INPP5K: variants seen among roughly 807,000 people sequenced by gnomAD.
INPP5K encodes the protein inositol polyphosphate 5-phosphatase K.
Under a neutral mutation model 53.5 loss-of-function variants are expected in INPP5K, and 35 were observed. That is an observed-to-expected ratio of 0.65 (90% CI 0.50 to 0.87). INPP5K has a LOEUF of 0.87. Among genes scored for constraint, INPP5K ranks in the 40% least tolerant of loss-of-function variants. INPP5K has a pLI of 0.00. For synonymous variants in INPP5K, 253 were observed against 232.8 expected (o/e 1.09, Z -0.79); for missense variants, 550 against 586.2 (o/e 0.94, Z 0.64).
At position 1,508,173 on chromosome 17, in the gene INPP5K, T is replaced by G. The variant is rs771881400; in HGVS notation, c.608A>C (p.His203Pro). 6.2e-7 allele frequency: 1 copy of G among 1,614,054 alleles called. No homozygotes were observed. Among genetic ancestry groups the G allele is most frequent in the Non-Finnish European group, 8.5e-7 (1 of 1,180,000 alleles). Residue 203 changes from histidine to proline, a missense_variant, in exon 6 of 12, where the codon CAC (histidine) becomes CCC (proline). Transcript: ENST00000421807. The part of the protein sequence containing the change: ...MNFRIEDFGL[H>P]FVRESIKNRC... ...ATTTTTAATGGATTCCCGAACAAAG[T>G]GCAACCCAAAGTCCTCGATCCGAAA...
At chr17:1,498,254 GC>G in intron 7 of INPP5K, 132 bp from the exon 8 acceptor site, 1 of 738,988 alleles carries the variant, frequency 1.4e-6, no homozygotes, top group Non-Finnish European at 2.2e-6. Flanking sequence ...GACCCCCGGG[GC>G]CAGAGCCGGA....
intron 11 of INPP5K, 73 bp downstream of exon 11, chr17:1,495,987 A>G: frequency 7.1e-7 from 1 of 1,414,558 alleles, no homozygotes; most frequent in Non-Finnish European, 1.0e-6. Context: ...GCTGGCTCCC[A>G]GGCCTGGGCC....
chr17:1,508,492 G>C (rs940628650), intron 5 of INPP5K: 9 of 448,162 alleles, frequency 2.0e-5, no homozygotes, highest in African/African-American at 1.8e-4. Flanking sequence ...AACTGGTCAC[G>C]AGGAAAGGCT....
intron 7 of INPP5K, among the ~76,000 whole-genome samples, chr17:1,506,665 G>A (rs1241291500): frequency 6.6e-6 from 1 of 152,178 alleles, no homozygotes; most frequent in Non-Finnish European, 1.5e-5. Flanking sequence ...GGGGTTTCCC[G>A]AAGCTGAAGT....
chr17:1,513,707 C>T, intron 2 of INPP5K, 146 bp from the exon 3 acceptor site: 3 of 905,870 alleles, frequency 3.3e-6, no homozygotes, highest in South Asian at 3.1e-5. Context: ...TCTCCAGCCC[C>T]CTTTGCCGTT....
At chr17:1,500,842 T>A (rs1255880539) in intron 7 of INPP5K, among the ~76,000 whole-genome samples, 1 of 152,118 alleles carries the variant, frequency 6.6e-6, no homozygotes, top group East Asian at 1.9e-4. Flanking sequence ...CAGGTACACT[T>A]ACTAAAAACC....
At chr17:1,501,967 G>A (rs1365701361) in intron 7 of INPP5K, among the ~76,000 whole-genome samples, 7 of 149,758 alleles carry the variant, frequency 4.7e-5, no homozygotes, top group East Asian at 2.0e-4. Flanking sequence ...CCTGGGAAGC[G>A]GAGGTTTCAG....
intron 7 of INPP5K, among the ~76,000 whole-genome samples, chr17:1,505,125 G>C (rs114544938): frequency 5.9e-5 from 9 of 152,164 alleles, no homozygotes; most frequent in Non-Finnish European, 8.8e-5. Flanking sequence ...CTTCCTGCTG[G>C]TAAGTTTTTA....
At chr17:1,507,330 T>C (rs917974579) in intron 6 of INPP5K, 9 of 526,298 alleles carry the variant, frequency 1.7e-5, no homozygotes, top group African/African-American at 1.4e-4. Flanking sequence ...TCCCAGTCCT[T>C]AGACTGCAGG....
chr17:1,499,075 C>T (rs1598363829), intron 7 of INPP5K, among the ~76,000 whole-genome samples: 1 of 152,314 alleles, frequency 6.6e-6, no homozygotes, highest in African/African-American at 2.4e-5. Context: ...TCAACTTCCT[C>T]GCCTGCCAGT....
At position 1,513,465 on chromosome 17, in the gene INPP5K, C is replaced by G; in HGVS notation, c.249G>C (p.Leu83=). 1 of 1,614,070 alleles carries G rather than the reference C, an allele frequency of 6.2e-7. No homozygotes were observed. The change falls in exon 3 of 12, where the codon CTG becomes CTC. Residue 83 remains leucine, a synonymous_variant. Coordinates refer to ENST00000421807, the MANE Select transcript of INPP5K (RefSeq NM_016532.4). ...ACTGGCAAGTTACCTTGATGAAGCT[C>G]AGAGGGGAAAGCACATCCATGAGGA... The part of the protein sequence containing the change: ...SSFLMDVLSP[L]SFIKVSHVRM...
chr17:1,496,698 T>C lies in INPP5K; in HGVS notation c.1069A>G (p.Ser357Gly). The change falls in exon 9 of 12, where the codon AGC becomes GGC. Residue 357 changes from serine to glycine, a missense_variant. By Grantham distance (56) the Ser-to-Gly change is moderately conservative. Transcript: ENST00000421807. ...AGTCCAATCCAGTCCCACGGGCTGC[T>C]GGGGAAGTCCGAGGTTGAAGAGTAG... is the stretch of plus-strand genomic sequence containing the variant. ...VSYSSTSDFPSSPWDWIGLYK... is the reference protein window; with the variant it reads ...VSYSSTSDFPGSPWDWIGLYK... The C allele has an allele frequency of 6.2e-7, 1 of 1,614,188 alleles. No homozygotes were observed. The highest frequency in any genetic ancestry group is 8.5e-7 in the Non-Finnish European group (1 of 1,180,032).
chr17:1,495,428 C>A lies in INPP5K; in HGVS notation c.*395G>T, dbSNP rs921424734. 13 of 212,810 alleles carry A rather than the reference C, an allele frequency of 6.1e-5. No individual in the cohort carries two copies. The highest frequency in any genetic ancestry group is 1.2e-4 in the Non-Finnish European group (13 of 105,952). 13.2% of individuals were successfully genotyped at this position (212,810 alleles called of 1,614,324 possible). A position where few individuals can be genotyped will look rare whatever the true frequency, so the allele number is the denominator to read the frequency against. On this transcript the variant is annotated 3_prime_UTR_variant, in exon 12 of 12. Coordinates refer to ENST00000421807, the MANE Select transcript of INPP5K (RefSeq NM_016532.4). ...AGCCTGTACAAATGTGAGCATCTCC[C>A]CTCCCAGACAGCCTGAGGCCCAGGA...
At chr17:1,516,198 C>G (rs1294284892) in intron 1 of INPP5K, 1 of 1,006,146 alleles carries the variant, frequency 9.9e-7, no homozygotes, top group Non-Finnish European at 1.3e-6. Context: ...TCAAACAACC[C>G]CACACGGCTG....
At chr17:1,503,406 G>A (rs958901612) in intron 7 of INPP5K, among the ~76,000 whole-genome samples, 1 of 151,830 alleles carries the variant, frequency 6.6e-6, no homozygotes, top group African/African-American at 2.4e-5. Flanking sequence ...GGATGGTCTC[G>A]ATCTCCTGAC....
intron 3 of INPP5K, among the ~76,000 whole-genome samples, 174 bp downstream of exon 3, chr17:1,513,279 G>A (rs920928793): frequency 2.0e-4 from 31 of 152,280 alleles, no homozygotes; most frequent in African/African-American, 7.0e-4. Context: ...TCAGAAAGGC[G>A]AAGGCAGGCA....
At chr17:1,507,185 T>C in intron 6 of INPP5K, 96 bp from the exon 7 acceptor site, 1 of 877,518 alleles carries the variant, frequency 1.1e-6, no homozygotes. Flanking sequence ...CCGTCACAAA[T>C]GGGGCAAGAG....
Position 1,496,787 on chromosome 17 carries a change from G to C in INPP5K, c.980C>G (p.Ser327Cys), listed in dbSNP as rs148663737. 2.5e-5 allele frequency: 41 copies of C among 1,614,156 alleles called. No individual in the cohort carries two copies. In the Middle Eastern group the frequency reaches 4.9e-4, roughly 19 times the overall value. ...TFDLELKPLVSAPLIVLMPED... is the reference protein window; with the variant it reads ...TFDLELKPLVCAPLIVLMPED... ...GGGCATCAGGACGATCAGCGGAGCA[G>C]ACACCAATGGCTTCAGCTAGACACG... Residue 327 changes from serine to cysteine, a missense_variant, in exon 9 of 12, where the codon TCT becomes TGT. Transcript: ENST00000421807.
Position 1,496,725 on chromosome 17 carries a change from T to G in INPP5K, c.1042A>C (p.Ser348Arg). ...LWTVENDMMVSYSSTSDFPSS... is the reference protein window; with the variant it reads ...LWTVENDMMVRYSSTSDFPSS... ...GGGAAGTCCGAGGTTGAAGAGTAGC[T>G]GACCATCATGTCATTTTCCACGGTC... The change falls in exon 9 of 12, where the codon AGC becomes CGC. Residue 348 changes from serine to arginine, a missense_variant. Coordinates refer to ENST00000421807, the MANE Select transcript of INPP5K (RefSeq NM_016532.4). 1 of 1,614,206 alleles carries G rather than the reference T, an allele frequency of 6.2e-7. No individual in the cohort carries two copies. The highest frequency in any genetic ancestry group is 8.5e-7 in the Non-Finnish European group (1 of 1,180,032).
Sources: allele counts gnomAD v4.1 joint callset (sites outside exome capture counted in the v4.1 genomes callset), GRCh38; gene constraint gnomAD v4.1.1; transcripts MANE v1.5; gene names NCBI Gene and HGNC (gene_info 2026-07-23, HGNC 2026-07-21).